The following FGF12 variants were observed in gnomAD, a reference collection of about 807,000 sequenced individuals.
The protein encoded by FGF12 is fibroblast growth factor 12B.
Under a neutral mutation model 23.6 loss-of-function variants are expected in FGF12, and 14 were observed. That is an observed-to-expected ratio of 0.59 (90% CI 0.39 to 0.93). FGF12 has a LOEUF of 0.93. Among genes scored for constraint, FGF12 ranks in the 40% least tolerant of loss-of-function variants. The pLI is 0.00. For missense variants in FGF12, 175 were observed against 217.8 expected (o/e 0.80, Z 1.24); for synonymous variants, 62 against 77.3 (o/e 0.80, Z 1.04).
intron 2 of FGF12, among the ~76,000 whole-genome samples, chr3:192,493,857 AGCACT>A (rs1002987146): frequency 5.3e-5 from 8 of 152,164 alleles, no homozygotes; most frequent in Admixed American, 3.9e-4. Context: ...CCCCACCTCC[AGCACT>A]GGGAATTACA....
At chr3:192,158,363 T>TTTCTTTCTTTCTTTC (rs1491140490) in intron 5 of FGF12, among the ~76,000 whole-genome samples, 10 of 108,504 alleles carry the variant, frequency 9.2e-5, no homozygotes, top group Middle Eastern at 4.1e-3. Flanking sequence ...TCTTTCTTTC[T>TTTCTTTCTTTCTTTC]TTCTTTCTTT....
intron 2 of FGF12, among the ~76,000 whole-genome samples, chr3:192,396,834 A>C (rs1720544104): frequency 6.6e-6 from 1 of 152,184 alleles, no homozygotes; most frequent in African/African-American, 2.4e-5. Flanking sequence ...CACAAAGAAA[A>C]CCAGCTTCAG....
chr3:192,326,990 G>T (rs991109116), intron 4 of FGF12, among the ~76,000 whole-genome samples: 2 of 152,154 alleles, frequency 1.3e-5, no homozygotes, highest in South Asian at 2.1e-4. Flanking sequence ...CAATGGAAAG[G>T]TTTTATTGCA....
intron 2 of FGF12, among the ~76,000 whole-genome samples, chr3:192,723,899 G>A (rs1719121555): frequency 7.3e-6 from 1 of 137,536 alleles, no homozygotes; most frequent in Non-Finnish European, 1.6e-5. Flanking sequence ...GGAGAGGAGA[G>A]GAAAGGGGAG....
chr3:192,648,139 C>T (rs1327882813), intron 2 of FGF12, among the ~76,000 whole-genome samples: 1 of 152,022 alleles, frequency 6.6e-6, no homozygotes, highest in Non-Finnish European at 1.5e-5. Flanking sequence ...AAGTCCAATA[C>T]ATTCTGACAT....
intron 2 of FGF12, among the ~76,000 whole-genome samples, chr3:192,628,321 G>A (rs1233556257): frequency 6.6e-6 from 1 of 151,662 alleles, no homozygotes. Context: ...ATCATATACA[G>A]GTTCTTGTGG....
At chr3:192,154,734 C>A (rs1214698113) in intron 5 of FGF12, among the ~76,000 whole-genome samples, 12 of 142,800 alleles carry the variant, frequency 8.4e-5, no homozygotes, top group Non-Finnish European at 9.3e-5. Flanking sequence ...AGACAGGGAC[C>A]TTTAAGTCTG....
intron 2 of FGF12, among the ~76,000 whole-genome samples, chr3:192,697,374 A>G (rs13061401): frequency 0.027 from 4,039 of 152,294 alleles, 75 homozygotes; most frequent in Middle Eastern, 0.082. Flanking sequence ...CCCATCAGCA[A>G]TCTGAGGCTC....
intron 2 of FGF12, among the ~76,000 whole-genome samples, chr3:192,590,450 T>A (rs1343872222): frequency 1.3e-5 from 2 of 151,942 alleles, no homozygotes; most frequent in African/African-American, 4.8e-5. Flanking sequence ...CTGCAGATAA[T>A]CAGAAAGGTT....
At chr3:192,389,901 G>A (rs1720219776) in intron 2 of FGF12, among the ~76,000 whole-genome samples, 1 of 152,192 alleles carries the variant, frequency 6.6e-6, no homozygotes, top group South Asian at 2.1e-4. Context: ...CATGCTCTAA[G>A]TTTCTCTTTT....
At chr3:192,199,552 C>T (rs901750082) in intron 4 of FGF12, among the ~76,000 whole-genome samples, 1 of 152,094 alleles carries the variant, frequency 6.6e-6, no homozygotes, top group Non-Finnish European at 1.5e-5. Context: ...ACAAGCAGGC[C>T]AATAAATGTA....
chr3:192,192,290 T>C (rs1716831705), intron 4 of FGF12, among the ~76,000 whole-genome samples: 1 of 151,952 alleles, frequency 6.6e-6, no homozygotes, highest in Non-Finnish European at 1.5e-5. Flanking sequence ...AAAGGGAAAT[T>C]ATCTTTCTCT....
chr3:192,340,880 AG>A (rs2108708077), intron 3 of FGF12, among the ~76,000 whole-genome samples: 1 of 152,302 alleles, frequency 6.6e-6, no homozygotes, highest in African/African-American at 2.4e-5. Flanking sequence ...TAGGGGAAAA[AG>A]TCAACATTGG....
At chr3:192,290,872 A>C (rs1192659809) in intron 4 of FGF12, among the ~76,000 whole-genome samples, 1 of 152,208 alleles carries the variant, frequency 6.6e-6, no homozygotes, top group African/African-American at 2.4e-5. Context: ...CTGGTAAGCT[A>C]TAAAGTTATT....
At chr3:192,247,404 A>AT (rs1711694482) in intron 4 of FGF12, among the ~76,000 whole-genome samples, 1 of 152,118 alleles carries the variant, frequency 6.6e-6, no homozygotes, top group Non-Finnish European at 1.5e-5. Context: ...AGGTCACTGT[A>AT]TTTTGCAGTC....
intron 5 of FGF12, among the ~76,000 whole-genome samples, chr3:192,149,317 T>G (rs543824730): frequency 1.8e-4 from 28 of 151,570 alleles, no homozygotes; most frequent in Non-Finnish European, 3.2e-4. Flanking sequence ...ATTTGAACCT[T>G]TTTTTTATTA....
Position 192,264,385 on chromosome 3 carries a change from G to A in FGF12, c.228+70976C>T, listed in dbSNP as rs1449760478. ...ATATTGATGAACAAAAATAAGAGATGATTTTTTTTCACATTTAATGTGGAA... is the reference window on the plus strand; with the variant it reads ...ATATTGATGAACAAAAATAAGAGATAATTTTTTTTCACATTTAATGTGGAA... On this transcript the variant is annotated intron_variant, in intron 4 of 5. Transcript: ENST00000445105. Among the ~76,000 whole-genome samples the A allele has an allele frequency of 5.9e-5, 9 of 151,926 alleles. 1 individual carries two copies. Among genetic ancestry groups the A allele is most frequent in the African/African-American group, 2.2e-4 (9 of 41,406 alleles).
chr3:192,370,159 G>C (rs2108742562), intron 2 of FGF12, among the ~76,000 whole-genome samples: 1 of 152,242 alleles, frequency 6.6e-6, no homozygotes. Flanking sequence ...CAGGACACTT[G>C]AGGATCTTTA....
intron 2 of FGF12, among the ~76,000 whole-genome samples, chr3:192,561,820 C>T (rs890378435): frequency 2.0e-5 from 3 of 151,406 alleles, no homozygotes; most frequent in South Asian, 4.2e-4. Context: ...TAAAGTTAAA[C>T]AAGAGCTTAC....
Sources: allele counts gnomAD v4.1 joint callset (sites outside exome capture counted in the v4.1 genomes callset), GRCh38; gene constraint gnomAD v4.1.1; transcripts MANE v1.5; gene names NCBI Gene and HGNC (gene_info 2026-07-23, HGNC 2026-07-21).